CYFIP1: variants seen among roughly 807,000 people sequenced by gnomAD.
CYFIP1 encodes the protein cytoplasmic FMR1-interacting protein 1.
A neutral mutation model predicts 163.5 loss-of-function variants in CYFIP1; 58 were observed. The observed-to-expected ratio is 0.35, with a 90% CI of 0.29 to 0.44. The LOEUF is 0.44. CYFIP1 is among the 20% of genes least tolerant of loss of function. CYFIP1 has a pLI of 1.00. For synonymous variants in CYFIP1, 663 were observed against 660.7 expected (o/e 1.00, Z -0.05); for missense variants, 1,338 against 1,653.8 (o/e 0.81, Z 3.31).
At position 22,916,394 on chromosome 15, in the gene CYFIP1, G is replaced by A. The variant is rs930587969; in HGVS notation, c.1828+83C>T. On this transcript the variant is annotated intron_variant, in intron 16 of 30. Coordinates refer to ENST00000617928, the MANE Select transcript of CYFIP1 (RefSeq NM_014608.6). ...TGCACCAAGGGACGGGGTAGGGGGT[G>A]GTCAGGCGGGCGGAAGCATTCTAGA... 4 of 1,029,302 alleles carry A rather than the reference G, an allele frequency of 3.9e-6. 1 individual carries two copies. In the South Asian group the frequency reaches 4.4e-5, roughly 11 times the overall value. 63.8% of individuals were successfully genotyped at this position (1,029,302 alleles called of 1,614,324 possible). A position where few individuals can be genotyped will look rare whatever the true frequency, so the allele number is the denominator to read the frequency against.
chr15:22,867,971 T>TAAA lies in CYFIP1; in HGVS notation c.*2054_*2056dup, dbSNP rs34540470. ...CCACTCATAACCATTGACTGGCCTTTAAAAAAAAGTATTGGCAGAATTAAT... is the reference window on the plus strand; with the variant it reads ...CCACTCATAACCATTGACTGGCCTTTAAAAAAAAAAAGTATTGGCAGAATTAAT... On this transcript the variant is annotated 3_prime_UTR_variant, in exon 31 of 31. Coordinates refer to ENST00000617928, the MANE Select transcript of CYFIP1 (RefSeq NM_014608.6). 5.3e-5 allele frequency: 8 copies of TAAA among 152,222 alleles called. No individual in the cohort carries two copies. Among genetic ancestry groups the TAAA allele is most frequent in the African/African-American group, 1.7e-4 (7 of 41,530 alleles). 9.4% of individuals were successfully genotyped at this position (152,222 alleles called of 1,614,324 possible).
chr15:22,896,073 A>C (rs2060227559), intron 22 of CYFIP1, among the ~76,000 whole-genome samples: 1 of 152,176 alleles, frequency 6.6e-6, no homozygotes. Flanking sequence ...CCTGCTGGTT[A>C]GAAGTGAGGG....
At chr15:22,887,775 A>G (rs1269415990) in intron 23 of CYFIP1, among the ~76,000 whole-genome samples, 1 of 152,180 alleles carries the variant, frequency 6.6e-6, no homozygotes, top group African/African-American at 2.4e-5. Context: ...GCACCGTCAC[A>G]AACACTGTGC....
intron 20 of CYFIP1, among the ~76,000 whole-genome samples, chr15:22,909,755 C>G (rs185915018): frequency 1.3e-5 from 2 of 151,430 alleles, no homozygotes; most frequent in African/African-American, 2.4e-5. Flanking sequence ...TTTGTGGGTA[C>G]GCAGTAAGTG....
At chr15:22,932,999 A>AT (rs1321708691) in intron 10 of CYFIP1, among the ~76,000 whole-genome samples, 1 of 151,754 alleles carries the variant, frequency 6.6e-6, no homozygotes, top group South Asian at 2.1e-4. Flanking sequence ...TGCCCGGCTA[A>AT]TTTTTGTATT....
intron 21 of CYFIP1, 99 bp from the exon 22 acceptor site, chr15:22,904,004 A>G: frequency 8.6e-7 from 1 of 1,157,126 alleles, no homozygotes; most frequent in Non-Finnish European, 1.2e-6. Context: ...AGTCCCTGGC[A>G]GGGCTGCACG....
At chr15:22,909,858 T>C (rs2060724244) in intron 20 of CYFIP1, among the ~76,000 whole-genome samples, 1 of 152,208 alleles carries the variant, frequency 6.6e-6, no homozygotes, top group Admixed American at 6.5e-5. Flanking sequence ...TGTATATCTT[T>C]AAATTCTTCC....
intron 1 of CYFIP1, among the ~76,000 whole-genome samples, chr15:22,953,468 C>T (rs574813879): frequency 6.6e-6 from 1 of 152,264 alleles, no homozygotes; most frequent in South Asian, 2.1e-4. Context: ...TCCTTTTGTC[C>T]TCCCATGAAT....
At position 22,916,468 on chromosome 15, in the gene CYFIP1, A is replaced by G; in HGVS notation, c.1828+9T>C. 1 of 1,593,124 alleles carries G rather than the reference A, an allele frequency of 6.3e-7. No individual in the cohort carries two copies. The highest frequency in any genetic ancestry group is 8.6e-7 in the Non-Finnish European group (1 of 1,162,452). On this transcript the variant is annotated intron_variant, in intron 16 of 30. Coordinates refer to ENST00000617928, the MANE Select transcript of CYFIP1 (RefSeq NM_014608.6). Reference sequence around the variant, plus strand: ...GCCAGGCCGGATGCTGCTCAGCAGTATCTCTTACCACTGAAATTTATCAAG... The same window carrying G: ...GCCAGGCCGGATGCTGCTCAGCAGTGTCTCTTACCACTGAAATTTATCAAG...
intron 6 of CYFIP1, among the ~76,000 whole-genome samples, chr15:22,942,200 T>C (rs561778469): frequency 1.3e-5 from 2 of 152,358 alleles, no homozygotes; most frequent in East Asian, 1.9e-4. Flanking sequence ...TACTGCTGCC[T>C]CATTTTGTCC....
rs1019095210 is a variant in CYFIP1, at chr15:22,973,805, T to A, written c.-7+6482A>T. Among the ~76,000 whole-genome samples the A allele has an allele frequency of 2.6e-5, 4 of 152,240 alleles. No individual in the cohort carries two copies. In the South Asian group the frequency reaches 8.3e-4, roughly 32 times the overall value. ...TGCAGGAAAATATCTGCAAACCATA[T>A]AACTAATAAGGGATTAATAATGAAA... is the stretch of plus-strand genomic sequence containing the variant. On this transcript the variant is annotated intron_variant, in intron 1 of 30. Coordinates refer to ENST00000617928, the MANE Select transcript of CYFIP1 (RefSeq NM_014608.6).
chr15:22,904,213 G>A (rs554011852), intron 21 of CYFIP1: 27 of 451,888 alleles, frequency 6.0e-5, no homozygotes, highest in Middle Eastern at 6.4e-4. Flanking sequence ...CCATGTGCCC[G>A]CTGAGCCCCG....
At position 22,912,342 on chromosome 15, in the gene CYFIP1, C is replaced by T. The variant is rs569632849; in HGVS notation, c.1986-67G>A. 124 of 1,238,326 alleles carry T rather than the reference C, an allele frequency of 1.0e-4. No individual in the cohort carries two copies. In the African/African-American group the frequency reaches 1.5e-3, roughly 15 times the overall value. 76.7% of individuals were successfully genotyped at this position (1,238,326 alleles called of 1,614,324 possible). A position where few individuals can be genotyped will look rare whatever the true frequency, so the allele number is the denominator to read the frequency against. ...TCACTCGCAGCTCCGACAGCCTCGC[C>T]CCACCTCAGAAACTCAACTCCATTT... On this transcript the variant is annotated intron_variant, in intron 17 of 30. Transcript: ENST00000617928.
chr15:22,926,900 T>C (rs1471028435), intron 12 of CYFIP1, among the ~76,000 whole-genome samples: 1 of 152,238 alleles, frequency 6.6e-6, no homozygotes, highest in Non-Finnish European at 1.5e-5. Flanking sequence ...CAAATATTTA[T>C]GGCGATGGAC....
At chr15:22,931,432 T>C (rs1454035968) in intron 11 of CYFIP1, among the ~76,000 whole-genome samples, 1 of 152,014 alleles carries the variant, frequency 6.6e-6, no homozygotes, top group Non-Finnish European at 1.5e-5. Flanking sequence ...CCTGGACACA[T>C]GGACCCAATG....
At chr15:22,887,655 A>G (rs1240743755) in intron 23 of CYFIP1, among the ~76,000 whole-genome samples, 1 of 152,162 alleles carries the variant, frequency 6.6e-6, no homozygotes, top group African/African-American at 2.4e-5. Context: ...CAGTAGACTA[A>G]GCTCACCCCA....
chr15:22,912,232 AG>A lies in CYFIP1; in HGVS notation c.2028del (p.Tyr677ThrfsTer19), dbSNP rs1566961477. The A allele has an allele frequency of 4.3e-6, 7 of 1,614,088 alleles. No homozygotes were observed. The highest frequency in any genetic ancestry group is 5.9e-6 in the Non-Finnish European group (7 of 1,179,970). ...YSLDLYNDSAHYALTRFNKQF... is the reference protein window; with the variant it reads ...YSLDLYNDSAXYALTRFNKQF... ...TGCTTGTTGAACCTGGTGAGCGCGT[AG>A]TGGGCGCTGTCATTGTACAGGTCCA... On this transcript the variant is annotated frameshift_variant, in exon 18 of 31. Coordinates refer to ENST00000617928, the MANE Select transcript of CYFIP1 (RefSeq NM_014608.6). LOFTEE classifies it high-confidence loss of function.
chr15:22,963,746 C>T (rs778553953), intron 1 of CYFIP1, among the ~76,000 whole-genome samples: 19 of 152,114 alleles, frequency 1.2e-4, no homozygotes, highest in Non-Finnish European at 2.2e-4. Context: ...AGCCAGAGCA[C>T]GGCCACAACA....
In CYFIP1 at chr15:22,907,621, G is replaced by A. The variant is rs184900686; in HGVS notation, c.2388+1573C>T. Among the ~76,000 whole-genome samples, 85 of 152,308 alleles carry A rather than the reference G, an allele frequency of 5.6e-4. 3 individuals carry two copies. The highest frequency in any genetic ancestry group is 1.3e-4 in the Non-Finnish European group (9 of 68,030). On this transcript the variant is annotated intron_variant, in intron 21 of 30. Coordinates refer to ENST00000617928, the MANE Select transcript of CYFIP1 (RefSeq NM_014608.6). The stretch of plus-strand genomic sequence containing the variant: ...CCCTGCTCCCACAGTGGAAACGGAC[G>A]TGTGGCCATGCACCAATGACCACGC...
Sources: allele counts gnomAD v4.1 joint callset (sites outside exome capture counted in the v4.1 genomes callset), GRCh38; gene constraint gnomAD v4.1.1; transcripts MANE v1.5; gene names NCBI Gene and HGNC (gene_info 2026-07-23, HGNC 2026-07-21).